The following ATG4D variants were observed in gnomAD, a reference collection of about 807,000 sequenced individuals.
ATG4D encodes the protein cysteine protease ATG4D.
Under a neutral mutation model 55.2 loss-of-function variants are expected in ATG4D, and 51 were observed. The ratio of observed to expected loss-of-function variants is 0.92; its 90% CI spans 0.74 to 1.17. ATG4D has a LOEUF of 1.17. Ranked by LOEUF, ATG4D falls within the 50% of genes most tolerant of loss-of-function variation. The probability of loss-of-function intolerance (pLI) is 0.00; values close to 1 mark genes in which losing one functional copy is unlikely to be tolerated. For synonymous variants in ATG4D, 268 were observed against 266.2 expected (o/e 1.01, Z -0.07); for missense variants, 635 against 649.6 (o/e 0.98, Z 0.25).
chr19:10,552,960 C>G lies in ATG4D; in HGVS notation c.1318C>G (p.Leu440Val), dbSNP rs1399689841. 3.7e-6 allele frequency: 6 copies of G among 1,613,678 alleles called. No homozygotes were observed. The Admixed American group carries it at 6.7e-5, about 18-fold the overall frequency. ...LAEGHAQDHS[L>V]DDLCSQLAQP... ...CGAGGGCCATGCTCAGGACCACAGC[C>G]TGGACGACCTCTGCTCCCAGCTCGC... The change falls in exon 10 of 10, where the codon CTG becomes GTG. Residue 440 changes from leucine (L) to valine (V), a missense_variant. Physicochemically the swap from Leu to Val is conservative, Grantham distance 32. Transcript: ENST00000309469.
At position 10,546,948 on chromosome 19, in the gene ATG4D, G is replaced by T; in HGVS notation, c.603G>T (p.Gln201His). 1.2e-6 allele frequency: 2 copies of T among 1,611,678 alleles called. No homozygotes were observed. The highest frequency in any genetic ancestry group is 1.7e-6 in the Non-Finnish European group (2 of 1,179,320). The change falls in exon 4 of 10, where the codon CAG (glutamine) becomes CAT (histidine). Residue 201 changes from glutamine to histidine, a missense_variant. By Grantham distance (24) the Gln-to-His change is conservative. Transcript: ENST00000309469. ...GCTGGATGCCCCCACGCTGGGCCCA[G>T]GGTGCCCCTGAGCTGGAGCAGGAAC... ...PARWMPPRWAQGAPELEQERR... is the reference protein window; with the variant it reads ...PARWMPPRWAHGAPELEQERR...
intron 8 of ATG4D, 21 bp downstream of exon 8, chr19:10,552,142 G>A (rs923787724): frequency 6.2e-7 from 1 of 1,612,114 alleles, no homozygotes; most frequent in African/African-American, 1.3e-5. Context: ...GCCCCAGTGT[G>A]TGGTTGGGGC....
Position 10,546,953 on chromosome 19 carries a change from C to T in ATG4D, c.608C>T (p.Ala203Val). The change falls in exon 4 of 10, where the codon GCC becomes GTC. Residue 203 changes from alanine to valine, a missense_variant. By Grantham distance (64) the Ala-to-Val change is moderately conservative. Transcript: ENST00000309469. ...RWMPPRWAQGAPELEQERRHR... is the reference protein window; with the variant it reads ...RWMPPRWAQGVPELEQERRHR... ...ATGCCCCCACGCTGGGCCCAGGGTG[C>T]CCCTGAGCTGGAGCAGGAACGCCGG... The T allele has an allele frequency of 6.2e-7, 1 of 1,611,052 alleles. No individual in the cohort carries two copies. The highest frequency in any genetic ancestry group is 8.5e-7 in the Non-Finnish European group (1 of 1,179,066).
Position 10,553,301 on chromosome 19 carries a change from C to T in ATG4D, c.*234C>T. On this transcript the variant is annotated 3_prime_UTR_variant, in exon 10 of 10. Transcript: ENST00000309469. ...GGTAGGGAAGGAGGACCCCGGGCACCCCCCTCAGGGCCTGACTCACGTACT... is the reference window on the plus strand; with the variant it reads ...GGTAGGGAAGGAGGACCCCGGGCACTCCCCTCAGGGCCTGACTCACGTACT... The T allele has an allele frequency of 1.9e-6, 1 of 532,512 alleles. No individual in the cohort carries two copies. The highest frequency in any genetic ancestry group is 3.3e-6 in the Non-Finnish European group (1 of 306,134). 33.0% of individuals were successfully genotyped at this position (532,512 alleles called of 1,614,324 possible). A position where few individuals can be genotyped will look rare whatever the true frequency, so the allele number is the denominator to read the frequency against.
At chr19:10,544,740 C>A in intron 1 of ATG4D, 43 bp from the exon 2 acceptor site, 1 of 1,610,920 alleles carries the variant, frequency 6.2e-7, no homozygotes, top group South Asian at 1.1e-5. Context: ...TGCTGTCATG[C>A]AAGTGCTTCA....
chr19:10,545,201 C>T, intron 3 of ATG4D, 71 bp downstream of exon 3: 3 of 1,539,182 alleles, frequency 1.9e-6, no homozygotes, highest in South Asian at 2.3e-5. Flanking sequence ...ATTAGAATTA[C>T]TTACCAACTA....
In ATG4D at chr19:10,544,852, G is replaced by C. The variant is rs769671792; in HGVS notation, c.305G>C (p.Arg102Pro). ...ATCCACCTCTGTGGCCGCCGCTACC[G>C]TTTCGAGGGCGAGGGTGAGCTGGTG... Reference protein sequence around the residue: ...SSIHLCGRRYRFEGEGDIQRF... With the variant: ...SSIHLCGRRYPFEGEGDIQRF... The change falls in exon 2 of 10, where the codon CGT becomes CCT. Residue 102 changes from arginine (R) to proline (P), a missense_variant. Transcript: ENST00000309469. The C allele has an allele frequency of 1.2e-6, 2 of 1,611,574 alleles. No individual in the cohort carries two copies. Among genetic ancestry groups the C allele is most frequent in the East Asian group, 4.5e-5 (2 of 44,856 alleles).
intron 5 of ATG4D, among the ~76,000 whole-genome samples, chr19:10,548,138 C>A (rs1046654959): frequency 6.9e-6 from 1 of 145,332 alleles, no homozygotes; most frequent in Non-Finnish European, 1.5e-5. Context: ...TCGAGTGATT[C>A]TCCTGCCTCA....
Position 10,544,956 on chromosome 19 carries a change from G to A in ATG4D, c.320-1G>A. ...GGCAGCTGACAGACCCGCTCTTGTA[G>A]GTGACATACAGCGTTTCCAGCGGGA... On this transcript the variant is annotated splice_acceptor_variant, in intron 2 of 9. Coordinates refer to ENST00000309469, the MANE Select transcript of ATG4D (RefSeq NM_032885.6). LOFTEE classifies it high-confidence loss of function. The A allele has an allele frequency of 1.3e-6, 2 of 1,585,772 alleles. No homozygotes were observed. Among genetic ancestry groups the A allele is most frequent in the Non-Finnish European group, 8.6e-7 (1 of 1,164,196 alleles).
In ATG4D at chr19:10,544,072, C is replaced by A; in HGVS notation, c.-19C>A. 7 of 1,233,482 alleles carry A rather than the reference C, an allele frequency of 5.7e-6. No homozygotes were observed. Among genetic ancestry groups the A allele is most frequent in the Non-Finnish European group, 7.1e-6 (7 of 983,714 alleles). 76.4% of individuals were successfully genotyped at this position (1,233,482 alleles called of 1,614,324 possible). A position where few individuals can be genotyped will look rare whatever the true frequency, so the allele number is the denominator to read the frequency against. ...GCAGCCCCCCACCTGGGCCCTCGGT[C>A]CGCCCTCCCGGCGCGTCCATGAACT... On this transcript the variant is annotated 5_prime_UTR_variant, in exon 1 of 10. Transcript: ENST00000309469.
chr19:10,545,690 A>C (rs1313956752), intron 3 of ATG4D, among the ~76,000 whole-genome samples: 1 of 151,732 alleles, frequency 6.6e-6, no homozygotes, highest in Non-Finnish European at 1.5e-5. Context: ...AGCCTGGCCA[A>C]GATGGTGAAA....
At chr19:10,544,697 C>T (rs756495113) in intron 1 of ATG4D, 86 bp from the exon 2 acceptor site, 39 of 1,585,784 alleles carry the variant, frequency 2.5e-5, no homozygotes, top group Non-Finnish European at 3.0e-5. Context: ...TAGGATCGTG[C>T]CCATTTCACA....
chr19:10,552,600 C>T (rs1285911759), intron 9 of ATG4D, among the ~76,000 whole-genome samples: 1 of 152,176 alleles, frequency 6.6e-6, no homozygotes, highest in African/African-American at 2.4e-5. Flanking sequence ...GGACTCTACC[C>T]TTATGGGGGC....
chr19:10,549,096 T>C (rs1018702401), intron 6 of ATG4D, 62 bp downstream of exon 6: 2 of 1,591,554 alleles, frequency 1.3e-6, no homozygotes, highest in African/African-American at 2.7e-5. Context: ...GTTTAGTTTG[T>C]GTTAGGGCTG....
rs1443530242 is a variant in ATG4D, at chr19:10,548,507, G to A, written c.836-397G>A. Among the ~76,000 whole-genome samples the A allele has an allele frequency of 2.0e-5, 3 of 152,134 alleles. No individual in the cohort carries two copies. The East Asian group carries it at 5.8e-4, about 29-fold the overall frequency. ...CCAAGTAAATGGGACTGGAGGAGGAGGGACATACCAGGATATTTGGTTTAG... is the reference window on the plus strand; with the variant it reads ...CCAAGTAAATGGGACTGGAGGAGGAAGGACATACCAGGATATTTGGTTTAG... On this transcript the variant is annotated intron_variant, in intron 5 of 9. Coordinates refer to ENST00000309469, the MANE Select transcript of ATG4D (RefSeq NM_032885.6).
Position 10,546,995 on chromosome 19 carries a change from C to T in ATG4D, c.650C>T (p.Ser217Phe), listed in dbSNP as rs79769971. Reference sequence around the variant, plus strand: ...GAACGCCGGCACCGGCAGATTGTGTCCTGGTTCGCCGACCACCCCCGGGCC... The same window carrying T: ...GAACGCCGGCACCGGCAGATTGTGTTCTGGTTCGCCGACCACCCCCGGGCC... ...EQERRHRQIV[S>F]WFADHPRAPF... is the part of the protein sequence containing the mutation. Residue 217 changes from serine to phenylalanine, a missense_variant, in exon 4 of 10, where the codon TCC becomes TTC. Coordinates refer to ENST00000309469, the MANE Select transcript of ATG4D (RefSeq NM_032885.6). 1 of 1,594,900 alleles carries T rather than the reference C, an allele frequency of 6.3e-7. No homozygotes were observed. The highest frequency in any genetic ancestry group is 1.8e-5 in the Admixed American group (1 of 55,544).
At chr19:10,548,763 T>C in intron 5 of ATG4D, 141 bp from the exon 6 acceptor site, 1 of 1,274,230 alleles carries the variant, frequency 7.8e-7, no homozygotes, top group Non-Finnish European at 1.1e-6. Context: ...TGGGGGGCAC[T>C]AGAATGATGA....
In ATG4D at chr19:10,553,060, T is replaced by A. The variant is rs886178499; in HGVS notation, c.1418T>A (p.Phe473Tyr). Residue 473 changes from phenylalanine to tyrosine, a missense_variant, in exon 10 of 10, where the codon TTT (phenylalanine) becomes TAT (tyrosine). Coordinates refer to ENST00000309469, the MANE Select transcript of ATG4D (RefSeq NM_032885.6). ...CGCCCCAGCTCTGAGGACTTTGTGT[T>A]TTTATAAAGGGAGGGGATGAGGGGA... is the stretch of plus-strand genomic sequence containing the variant. ...AKRPSSEDFV[F>Y]L 4.4e-6 allele frequency: 7 copies of A among 1,597,680 alleles called. No individual in the cohort carries two copies. The highest frequency in any genetic ancestry group is 1.3e-5 in the African/African-American group (1 of 74,574).
chr19:10,544,590 C>A, intron 1 of ATG4D, 193 bp from the exon 2 acceptor site: 1 of 1,200,912 alleles, frequency 8.3e-7, no homozygotes, highest in Non-Finnish European at 1.1e-6. Context: ...ATCAGAACTA[C>A]CTTCCTTCAT....
Sources: allele counts gnomAD v4.1 joint callset (sites outside exome capture counted in the v4.1 genomes callset), GRCh38; gene constraint gnomAD v4.1.1; transcripts MANE v1.5; gene names NCBI Gene and HGNC (gene_info 2026-07-23, HGNC 2026-07-21).